FAT4: variants seen among roughly 807,000 people sequenced by gnomAD.
FAT4 encodes protocadherin Fat 4.
A neutral mutation model predicts 303.9 loss-of-function variants in FAT4; 84 were observed. That is an observed-to-expected ratio of 0.28 (90% confidence interval 0.23 to 0.33). The LOEUF (loss-of-function observed/expected upper bound fraction) is 0.33, where lower values mean the gene tolerates loss of function less well. Among genes scored for constraint, FAT4 ranks in the 10% least tolerant of loss-of-function variants. FAT4 has a pLI of 1.00. For synonymous variants in FAT4, 2,307 were observed against 2,298.8 expected, an observed-to-expected ratio of 1.00 and a Z score of -0.10; for missense variants, 6,005 against 6,146.8, an observed-to-expected ratio of 0.98 and a Z score of 0.77.
In FAT4 at chr4:125,317,643, G is replaced by A; in HGVS notation, c.1232G>A (p.Ser411Asn). 18 of 1,614,062 alleles carry A rather than the reference G, an allele frequency of 1.1e-5. No homozygotes were observed. The highest frequency in any genetic ancestry group is 1.5e-5 in the Non-Finnish European group (18 of 1,179,998). The stretch of plus-strand genomic sequence containing the variant: ...GAGCAGCGCCACTTTGAAGTGCAAA[G>A]CAGCAAAGTGCCGAACCTGAGCCTA... ...GNEQRHFEVQ[S>N]SKVPNLSLIK... is the part of the protein sequence containing the mutation. The change falls in exon 2 of 18, where the codon AGC becomes AAC. Residue 411 changes from serine to asparagine, a missense_variant. Transcript: ENST00000394329. The surrounding 1 kb of genome is among the most constrained non-coding windows in gnomAD (Gnocchi z 7.0).
intron 2 of FAT4, among the ~76,000 whole-genome samples, chr4:125,358,088 G>GA (rs201535427): frequency 0.045 from 6,853 of 151,750 alleles, 221 homozygotes; most frequent in Admixed American, 0.1. Flanking sequence ...GAGTATATAG[G>GA]AAAAAAAGAA....
chr4:125,457,623 AT>A (rs1726329172), intron 10 of FAT4, among the ~76,000 whole-genome samples: 1 of 151,994 alleles, frequency 6.6e-6, no homozygotes, highest in African/African-American at 2.4e-5. Context: ...TTTTCTTATA[AT>A]TTTTATATTA....
At chr4:125,447,665 G>C (rs1319378027) in intron 9 of FAT4, among the ~76,000 whole-genome samples, 1 of 152,014 alleles carries the variant, frequency 6.6e-6, no homozygotes, top group African/African-American at 2.4e-5. Flanking sequence ...GTAGGGGTGA[G>C]AGTGCAGGTT....
intron 12 of FAT4, among the ~76,000 whole-genome samples, chr4:125,469,060 T>C (rs1037627181): frequency 2.6e-5 from 4 of 152,236 alleles, no homozygotes; most frequent in Admixed American, 6.5e-5. Context: ...TTTGTATGTT[T>C]TTAAGGCCAT....
rs552367476 is a variant in FAT4, at chr4:125,489,929, G to A, written c.13113G>A (p.Met4371Ile). The A allele has an allele frequency of 1.3e-6, 2 of 1,520,636 alleles. No homozygotes were observed. The highest frequency in any genetic ancestry group is 3.0e-5 in the African/African-American group (2 of 66,288). The allele number at this position is 1,520,636 out of a possible 1,614,324, so 94.2% of individuals were successfully genotyped here. ...GTTTTGATGGCTGCATTGCTTCTATGTGGTATGGTGGAGAAAGTCTTCCTT... is the reference window on the plus strand; with the variant it reads ...GTTTTGATGGCTGCATTGCTTCTATATGGTATGGTGGAGAAAGTCTTCCTT... ...TAGFDGCIAS[M>I]WYGGESLPFS... The change falls in exon 18 of 18, where the codon ATG becomes ATA. Residue 4371 changes from methionine (M) to isoleucine (I), a missense_variant. Coordinates refer to ENST00000394329, the MANE Select transcript of FAT4 (RefSeq NM_001291303.3).
chr4:125,371,463 A>G (rs1002943881), intron 2 of FAT4, among the ~76,000 whole-genome samples: 7 of 151,874 alleles, frequency 4.6e-5, no homozygotes, highest in African/African-American at 1.4e-4. Context: ...ATTGAGACAT[A>G]GGGTATCTTC....
At chr4:125,477,124 C>G (rs750082796) in intron 13 of FAT4, 31 bp from the exon 14 acceptor site, 4 of 1,312,570 alleles carry the variant, frequency 3.0e-6, no homozygotes, top group Non-Finnish European at 3.9e-6. Context: ...TCTTTTGACA[C>G]TAATATTTAT....
Position 125,408,764 on chromosome 4 carries a change from C to A in FAT4, c.5890C>A (p.Leu1964Ile), listed in dbSNP as rs1734728493. 3 of 1,578,158 alleles carry A rather than the reference C, an allele frequency of 1.9e-6. No homozygotes were observed. Among genetic ancestry groups the A allele is most frequent in the African/African-American group, 1.4e-5 (1 of 73,624 alleles). Reference sequence around the variant, plus strand: ...GAATCTACCTGTGGGATCTACTGTTCTTGTGTTTAATGTTACTGATGCAGA... The same window carrying A: ...GAATCTACCTGTGGGATCTACTGTTATTGTGTTTAATGTTACTGATGCAGA... ...MENLPVGSTV[L>I]VFNVTDADDG... The change falls in exon 5 of 18, where the codon CTT becomes ATT. Residue 1964 changes from leucine (L) to isoleucine (I), a missense_variant. Coordinates refer to ENST00000394329, the MANE Select transcript of FAT4 (RefSeq NM_001291303.3).
intron 10 of FAT4, among the ~76,000 whole-genome samples, chr4:125,456,752 C>T (rs1726294728): frequency 6.6e-6 from 1 of 152,030 alleles, no homozygotes; most frequent in Non-Finnish European, 1.5e-5. Context: ...AGCTAATATA[C>T]CAAAACATCT....
At chr4:125,349,570 T>C (rs939272746) in intron 2 of FAT4, among the ~76,000 whole-genome samples, 3 of 151,690 alleles carry the variant, frequency 2.0e-5, no homozygotes, top group Admixed American at 6.6e-5. Flanking sequence ...TGTTCATACC[T>C]AGAGAGATTT....
chr4:125,425,262 A>G (rs1406403544), intron 7 of FAT4, among the ~76,000 whole-genome samples: 1 of 152,142 alleles, frequency 6.6e-6, no homozygotes. Flanking sequence ...TTTGTGTTAT[A>G]AAAACTAAAC....
intron 5 of FAT4, 38 bp from the exon 6 acceptor site, chr4:125,414,846 A>G (rs756187839): frequency 1.4e-6 from 2 of 1,432,336 alleles, no homozygotes; most frequent in Admixed American, 1.9e-5. Context: ...TGCAATCAGC[A>G]TATGTTTAAG....
chr4:125,420,051 C>T (rs996053574), intron 7 of FAT4, among the ~76,000 whole-genome samples: 3 of 152,192 alleles, frequency 2.0e-5, no homozygotes, highest in Non-Finnish European at 4.4e-5. Context: ...GCATCCATGT[C>T]ATGGTCATTT....
At chr4:125,461,927 T>C (rs1005602569) in intron 10 of FAT4, among the ~76,000 whole-genome samples, 2 of 151,994 alleles carry the variant, frequency 1.3e-5, no homozygotes, top group East Asian at 3.9e-4. Context: ...ATTTGAAGTT[T>C]TCCTGCCTAT....
At chr4:125,396,926 G>GTATATATATA (rs66744105) in intron 2 of FAT4, among the ~76,000 whole-genome samples, 1 of 143,910 alleles carries the variant, frequency 6.9e-6, no homozygotes, top group African/African-American at 2.6e-5. Context: ...ATGTGTGTGT[G>GTATATATATA]TATATATATA....
intron 2 of FAT4, among the ~76,000 whole-genome samples, chr4:125,385,844 G>A (rs570309343): frequency 3.9e-5 from 6 of 151,988 alleles, no homozygotes; most frequent in East Asian, 1.9e-4. Flanking sequence ...TCAGCTTTTC[G>A]TCCAGCTTTT....
chr4:125,434,860 T>C (rs1725400542), intron 8 of FAT4, among the ~76,000 whole-genome samples: 2 of 152,172 alleles, frequency 1.3e-5, no homozygotes, highest in Admixed American at 1.3e-4. Flanking sequence ...AACTTCCTGA[T>C]GTGGTTCTTT....
In FAT4 at chr4:125,315,893, A is replaced by G. The variant is rs1730561254; in HGVS notation, c.-97A>G. On this transcript the variant is annotated 5_prime_UTR_variant, in exon 1 of 18. Transcript: ENST00000394329. ...CTCCAGCTTTTGGGAAAGAAATTCG[A>G]TTCTCCCGGTTCCCCACCACCCCTT... is the stretch of plus-strand genomic sequence containing the variant. 6.6e-6 allele frequency among the ~76,000 whole-genome samples: 1 copy of G among 152,000 alleles called. No individual in the cohort carries two copies. The highest frequency in any genetic ancestry group is 1.5e-5 in the Non-Finnish European group (1 of 67,988).
At chr4:125,419,573 A>T (rs1735206944) in intron 7 of FAT4, among the ~76,000 whole-genome samples, 1 of 152,148 alleles carries the variant, frequency 6.6e-6, no homozygotes, top group Admixed American at 6.5e-5. Context: ...AGATAATCAT[A>T]CCCTATCTCT....
Sources: allele counts gnomAD v4.1 joint callset (sites outside exome capture counted in the v4.1 genomes callset), GRCh38; gene constraint gnomAD v4.1.1; non-coding constraint Gnocchi (gnomAD v3.1); transcripts MANE v1.5; gene names NCBI Gene and HGNC (gene_info 2026-07-23, HGNC 2026-07-21).